The following RASA2 variants were observed in gnomAD, a reference collection of about 807,000 sequenced individuals.
RASA2 encodes ras GTPase-activating protein 2.
A neutral mutation model predicts 118.2 loss-of-function variants in RASA2; 155 were observed. The observed-to-expected ratio is 1.31, with a 90% CI of 1.15 to 1.50. The LOEUF is 1.50. Among genes scored for constraint, RASA2 ranks in the 40% most tolerant of loss-of-function variants. RASA2 has a pLI of 0.00. For missense variants in RASA2, 1,016 were observed against 1,009.6 expected (o/e 1.01, Z -0.09); for synonymous variants, 353 against 349.1 (o/e 1.01, Z -0.12).
rs1468431291 is a variant in RASA2 at position 141,615,187 on chromosome 3, A to G, written c.*2874A>G. On this transcript the variant is annotated 3_prime_UTR_variant, in exon 24 of 24. Transcript: ENST00000286364. ...TTTACAGTACCCAGTTTGAAAATGTAAGTTATCAAAACTTAATGTAGTGAA... is the reference window on the plus strand; with the variant it reads ...TTTACAGTACCCAGTTTGAAAATGTGAGTTATCAAAACTTAATGTAGTGAA... 1 of 152,208 alleles carries G rather than the reference A, an allele frequency of 6.6e-6. No homozygotes were observed. Among genetic ancestry groups the G allele is most frequent in the Non-Finnish European group, 1.5e-5 (1 of 68,034 alleles). The allele number at this position is 152,208 out of a possible 1,614,324, so 9.4% of individuals were successfully genotyped here.
intron 12 of RASA2, 102 bp from the exon 13 acceptor site, chr3:141,573,044 GT>G: frequency 9.4e-7 from 1 of 1,065,142 alleles, no homozygotes; most frequent in Non-Finnish European, 1.3e-6. Context: ...CTTTGCTACA[GT>G]TTAAATTTCT....
intron 5 of RASA2, among the ~76,000 whole-genome samples, chr3:141,549,181 T>C (rs530189896): frequency 1.3e-5 from 2 of 152,364 alleles, no homozygotes; most frequent in South Asian, 2.1e-4. Flanking sequence ...GTACTCCTTT[T>C]CTTGACATTG....
chr3:141,497,403 A>G (rs1057226401), intron 1 of RASA2, among the ~76,000 whole-genome samples: 2 of 152,016 alleles, frequency 1.3e-5, no homozygotes, highest in Non-Finnish European at 2.9e-5. Flanking sequence ...TATATTATCA[A>G]AAGTAACTAT....
intron 5 of RASA2, among the ~76,000 whole-genome samples, chr3:141,550,393 A>G (rs144811245): frequency 1.8e-4 from 27 of 152,352 alleles, no homozygotes; most frequent in African/African-American, 6.3e-4. Flanking sequence ...GGGGCAAAGA[A>G]GGAAAACTAA....
At chr3:141,510,464 C>T (rs186693719) in intron 1 of RASA2, among the ~76,000 whole-genome samples, 1 of 152,246 alleles carries the variant, frequency 6.6e-6, no homozygotes, top group Non-Finnish European at 1.5e-5. Context: ...TGTTTAAGAT[C>T]TTGAAGATCA....
intron 4 of RASA2, among the ~76,000 whole-genome samples, chr3:141,534,385 A>G: frequency 6.6e-6 from 1 of 152,148 alleles, no homozygotes. Context: ...GGGGGGAAAA[A>G]GAGTGATTAA....
intron 1 of RASA2, among the ~76,000 whole-genome samples, chr3:141,497,387 ATATAT>A (rs2081718645): frequency 6.6e-6 from 1 of 151,860 alleles, no homozygotes; most frequent in Non-Finnish European, 1.5e-5. Context: ...GAGTATATTT[ATATAT>A]TATATTATCA....
intron 6 of RASA2, among the ~76,000 whole-genome samples, chr3:141,554,390 T>C (rs2151114332): frequency 6.6e-6 from 1 of 152,348 alleles, no homozygotes; most frequent in African/African-American, 2.4e-5. Context: ...ATGAAATCTG[T>C]CCTCTACAGA....
chr3:141,553,140 A>G (rs1032120244), intron 5 of RASA2, among the ~76,000 whole-genome samples: 4 of 152,200 alleles, frequency 2.6e-5, no homozygotes, highest in African/African-American at 9.7e-5. Context: ...AATTGTGTGA[A>G]GCTTGCCCTA....
At chr3:141,512,071 A>G (rs2081959831) in intron 1 of RASA2, 92 bp from the exon 2 acceptor site, 3 of 815,300 alleles carry the variant, frequency 3.7e-6, no homozygotes, top group South Asian at 3.2e-5. Context: ...TGCCACATTA[A>G]TATGTTCTTT....
chr3:141,603,341 C>T (rs537459312), intron 19 of RASA2, among the ~76,000 whole-genome samples: 4 of 152,062 alleles, frequency 2.6e-5, no homozygotes, highest in African/African-American at 4.8e-5. Context: ...GAGGCCAAGG[C>T]GGGTGGATCA....
At position 141,583,809 on chromosome 3, in the gene RASA2, T is replaced by C. The variant is rs577646959; in HGVS notation, c.1753-2216T>C. Among the ~76,000 whole-genome samples, 13 of 152,292 alleles carry C rather than the reference T, an allele frequency of 8.5e-5. No individual in the cohort carries two copies. The South Asian group carries it at 2.5e-3, about 29-fold the overall frequency. The stretch of plus-strand genomic sequence containing the variant: ...CACTGGAGCCTCAATACTATCCTTA[T>C]TGGAATGTGGTTTGTTTTTAAGTCC... On this transcript the variant is annotated intron_variant, in intron 17 of 23. Transcript: ENST00000286364.
At chr3:141,528,031 C>T (rs890918331) in intron 3 of RASA2, among the ~76,000 whole-genome samples, 9 of 151,740 alleles carry the variant, frequency 5.9e-5, no homozygotes, top group Non-Finnish European at 5.9e-5. Context: ...TGGGAAGATA[C>T]GTATTTGTTA....
At chr3:141,537,920 A>T (rs2082350980) in intron 4 of RASA2, among the ~76,000 whole-genome samples, 1 of 152,186 alleles carries the variant, frequency 6.6e-6, no homozygotes, top group African/African-American at 2.4e-5. Context: ...TATAAAATAT[A>T]TTGGAGATAA....
intron 19 of RASA2, among the ~76,000 whole-genome samples, chr3:141,601,525 A>G (rs2083464210): frequency 6.6e-6 from 1 of 152,182 alleles, no homozygotes; most frequent in Non-Finnish European, 1.5e-5. Context: ...ATGATATGCT[A>G]GGATTTCTTG....
intron 5 of RASA2, among the ~76,000 whole-genome samples, chr3:141,544,034 C>T (rs977054984): frequency 6.6e-6 from 1 of 151,940 alleles, no homozygotes; most frequent in Non-Finnish European, 1.5e-5. Context: ...CACCACCATG[C>T]CCAGCTAATT....
chr3:141,608,817 C>A, intron 21 of RASA2, 120 bp downstream of exon 21: 1 of 1,115,628 alleles, frequency 9.0e-7, no homozygotes, highest in South Asian at 1.6e-5. Context: ...AAGGATGGGA[C>A]CTTGAAAAAT....
At position 141,490,183 on chromosome 3, in the gene RASA2, T is replaced by G. The variant is rs140424136; in HGVS notation, c.133+2967T>G. 2.6e-4 allele frequency among the ~76,000 whole-genome samples: 40 copies of G among 151,936 alleles called. No homozygotes were observed. In the East Asian group the frequency reaches 7.7e-3, roughly 29 times the overall value. On this transcript the variant is annotated intron_variant, in intron 1 of 23. Coordinates refer to ENST00000286364, the MANE Select transcript of RASA2 (RefSeq NM_006506.5). ...CCTTAAACTTTTTCAAGAGGTGAGT[T>G]TGGTTGTTTGATATCCTAAGGTTGT... is the stretch of plus-strand genomic sequence containing the variant.
At chr3:141,555,478 G>A (rs1250223189) in intron 6 of RASA2, among the ~76,000 whole-genome samples, 1 of 152,018 alleles carries the variant, frequency 6.6e-6, no homozygotes, top group Non-Finnish European at 1.5e-5. Flanking sequence ...TGTTTTTCAA[G>A]TTCCTTGGGT....
Sources: allele counts gnomAD v4.1 joint callset (sites outside exome capture counted in the v4.1 genomes callset), GRCh38; gene constraint gnomAD v4.1.1; transcripts MANE v1.5; gene names NCBI Gene and HGNC (gene_info 2026-07-23, HGNC 2026-07-21).